FBXO33: variants seen among roughly 807,000 people sequenced by gnomAD.
FBXO33 encodes F-box protein 33, also known as F-box only protein 33.
In FBXO33, 22 loss-of-function variants were observed where a neutral mutation model predicts 46.3. That is an observed-to-expected ratio of 0.48 (90% confidence interval 0.34 to 0.68). FBXO33 has a LOEUF of 0.68. FBXO33 is among the 30% of genes least tolerant of loss of function. The pLI is 0.01. For missense variants in FBXO33, 692 were observed against 708.8 expected, an observed-to-expected ratio of 0.98 and a Z score of 0.27; for synonymous variants, 337 against 291.3, an observed-to-expected ratio of 1.16 and a Z score of -1.60.
intron 1 of FBXO33, among the ~76,000 whole-genome samples, chr14:39,427,916 C>A (rs1055544583): frequency 2.6e-5 from 4 of 152,218 alleles, no homozygotes; most frequent in African/African-American, 9.6e-5. Flanking sequence ...ATTGCTCCAT[C>A]CTGAGTCACA....
intron 1 of FBXO33, among the ~76,000 whole-genome samples, chr14:39,409,456 A>G (rs1270419302): frequency 1.3e-5 from 2 of 152,214 alleles, no homozygotes; most frequent in African/African-American, 4.8e-5. Context: ...TCTTTATGCT[A>G]GCACAATACT....
intron 1 of FBXO33, among the ~76,000 whole-genome samples, chr14:39,422,340 C>T (rs1392314867): frequency 6.6e-6 from 1 of 152,212 alleles, no homozygotes; most frequent in Middle Eastern, 3.2e-3. Flanking sequence ...GTCTAAGCCA[C>T]CATTACTTCT....
chr14:39,422,602 T>G (rs118057270), intron 1 of FBXO33, among the ~76,000 whole-genome samples: 1,634 of 152,368 alleles, frequency 0.011, 16 homozygotes, highest in Non-Finnish European at 0.014. Flanking sequence ...TACATTTCAT[T>G]GCTTTCCATG....
intron 1 of FBXO33, among the ~76,000 whole-genome samples, chr14:39,412,259 A>G (rs1252482661): frequency 6.6e-6 from 1 of 152,208 alleles, no homozygotes; most frequent in African/African-American, 2.4e-5. Flanking sequence ...ATGCATATAT[A>G]TTTATAATTG....
At chr14:39,411,547 G>A (rs111228388) in intron 1 of FBXO33, among the ~76,000 whole-genome samples, 10 of 146,482 alleles carry the variant, frequency 6.8e-5, no homozygotes, top group African/African-American at 2.5e-4. Flanking sequence ...CTTGAGACAA[G>A]AGTCTCGCAC....
At chr14:39,423,919 T>C (rs2075497905) in intron 1 of FBXO33, among the ~76,000 whole-genome samples, 1 of 152,164 alleles carries the variant, frequency 6.6e-6, no homozygotes, top group Non-Finnish European at 1.5e-5. Context: ...ATCACCCAGG[T>C]AGTGAGCATA....
chr14:39,404,224 T>C (rs958066217), intron 1 of FBXO33, among the ~76,000 whole-genome samples: 11 of 152,136 alleles, frequency 7.2e-5, no homozygotes, highest in Non-Finnish European at 1.5e-4. Context: ...AGAGACACAA[T>C]AGTGATTCAG....
chr14:39,429,122 A>C (rs1347502474), intron 1 of FBXO33, among the ~76,000 whole-genome samples: 2 of 152,262 alleles, frequency 1.3e-5, no homozygotes, highest in South Asian at 2.1e-4. Flanking sequence ...TCCTCTCTGA[A>C]GATCAGCACC....
chr14:39,427,894 G>C (rs1358662568), intron 1 of FBXO33, among the ~76,000 whole-genome samples: 1 of 152,116 alleles, frequency 6.6e-6, no homozygotes, highest in Non-Finnish European at 1.5e-5. Flanking sequence ...GCTGCAGTGA[G>C]CTATGATCAT....
At chr14:39,403,143 C>T (rs943361687) in intron 1 of FBXO33, among the ~76,000 whole-genome samples, 3 of 152,148 alleles carry the variant, frequency 2.0e-5, no homozygotes, top group Non-Finnish European at 2.9e-5. Context: ...ATAAACATGT[C>T]TCAAACCAGT....
At chr14:39,416,281 C>G (rs564750430) in intron 1 of FBXO33, among the ~76,000 whole-genome samples, 9 of 151,660 alleles carry the variant, frequency 5.9e-5, no homozygotes, top group Non-Finnish European at 1.2e-4. Flanking sequence ...TCTTTCAGCG[C>G]TTATCTCACT....
At chr14:39,411,640 A>G (rs963273497) in intron 1 of FBXO33, among the ~76,000 whole-genome samples, 8 of 151,516 alleles carry the variant, frequency 5.3e-5, no homozygotes, top group Non-Finnish European at 7.4e-5. Context: ...CTCCTGCCTC[A>G]GCCTCCCGAG....
At chr14:39,418,157 G>A (rs2075458709) in intron 1 of FBXO33, among the ~76,000 whole-genome samples, 1 of 151,620 alleles carries the variant, frequency 6.6e-6, no homozygotes, top group South Asian at 2.1e-4. Flanking sequence ...TCCGCCTCCC[G>A]GGTTCACGTC....
chr14:39,416,480 T>C (rs2075449325), intron 1 of FBXO33, among the ~76,000 whole-genome samples: 1 of 152,200 alleles, frequency 6.6e-6, no homozygotes, highest in African/African-American at 2.4e-5. Flanking sequence ...TTCTGGGTTG[T>C]CCATTCCTTA....
chr14:39,412,432 G>C (rs968979050), intron 1 of FBXO33, among the ~76,000 whole-genome samples: 10 of 152,120 alleles, frequency 6.6e-5, no homozygotes, highest in African/African-American at 2.2e-4. Flanking sequence ...CTTTCACCCT[G>C]TATTTGTCCT....
At position 39,401,106 on chromosome 14, in the gene FBXO33, A is replaced by G. The variant is rs566545826; in HGVS notation, c.1396+70T>C. ...TCTTGATACTATAAAGGTCAGTGCT[A>G]TCTCTTTACTGGCAGAAAATGTTTT... On this transcript the variant is annotated intron_variant, in intron 3 of 3. Transcript: ENST00000298097. The G allele has an allele frequency of 2.9e-6, 4 of 1,374,102 alleles. No individual in the cohort carries two copies. The South Asian group carries it at 4.2e-5, about 14-fold the overall frequency. 85.1% of individuals were successfully genotyped at this position (1,374,102 alleles called of 1,614,324 possible). A position where few individuals can be genotyped will look rare whatever the true frequency, so the allele number is the denominator to read the frequency against.
At chr14:39,418,368 T>A (rs1275361563) in intron 1 of FBXO33, among the ~76,000 whole-genome samples, 1 of 151,308 alleles carries the variant, frequency 6.6e-6, no homozygotes, top group Non-Finnish European at 1.5e-5. Flanking sequence ...CAGCCTCAAA[T>A]TTTCTATTAT....
chr14:39,421,819 A>AC (rs2075486306), intron 1 of FBXO33, among the ~76,000 whole-genome samples: 5 of 119,906 alleles, frequency 4.2e-5, no homozygotes, highest in South Asian at 5.8e-4. Context: ...CACACACACA[A>AC]ACACACGCAC....
At chr14:39,413,594 C>A (rs1443349281) in intron 1 of FBXO33, among the ~76,000 whole-genome samples, 2 of 152,178 alleles carry the variant, frequency 1.3e-5, no homozygotes, top group Non-Finnish European at 2.9e-5. Flanking sequence ...AAATCACTAT[C>A]TATGGCAGCT....
Sources: allele counts gnomAD v4.1 joint callset (sites outside exome capture counted in the v4.1 genomes callset), GRCh38; gene constraint gnomAD v4.1.1; transcripts MANE v1.5; gene names NCBI Gene and HGNC (gene_info 2026-07-23, HGNC 2026-07-21).